Variants in MYCBPAP observed in about 807,000 individuals in gnomAD.
MYCBPAP encodes the protein MYCBP-associated protein.
A neutral mutation model predicts 106.1 loss-of-function variants in MYCBPAP; 60 were observed. The observed-to-expected ratio is 0.57, with a 90% CI of 0.46 to 0.70. MYCBPAP has a LOEUF of 0.70. Among genes scored for constraint, MYCBPAP ranks in the 30% least tolerant of loss-of-function variants. The pLI, the probability that MYCBPAP is intolerant of heterozygous loss-of-function variation, is 0.00. For missense variants in MYCBPAP, 1,064 were observed against 1,169.3 expected, an observed-to-expected ratio of 0.91 and a Z score of 1.31; for synonymous variants, 407 against 440.6, an observed-to-expected ratio of 0.92 and a Z score of 0.95.
intron 5 of MYCBPAP, 71 bp from the exon 6 acceptor site, chr17:50,518,903 C>A: frequency 6.7e-7 from 1 of 1,491,174 alleles, no homozygotes; most frequent in Non-Finnish European, 9.3e-7. Context: ...GGAGGCTGCC[C>A]GATGCAGACT....
At chr17:50,510,525 ATATATATATATG>A in intron 1 of MYCBPAP, 2 of 128,606 alleles carry the variant, frequency 1.6e-5, no homozygotes, top group African/African-American at 6.3e-5. Context: ...ATATATATAT[ATATATATATATG>A]TATTTTGAGA....
intron 2 of MYCBPAP, 131 bp downstream of exon 2, chr17:50,516,828 GATT>G: frequency 1.0e-6 from 1 of 977,972 alleles, no homozygotes. Context: ...ACTGAACACA[GATT>G]CTTTTCACTT....
intron 7 of MYCBPAP, chr17:50,520,144 A>G (rs943849404): frequency 3.3e-5 from 6 of 182,344 alleles, no homozygotes; most frequent in Non-Finnish European, 5.8e-5. Flanking sequence ...TATTTTATTA[A>G]TCATTTTTAT....
chr17:50,521,442 C>T lies in MYCBPAP; in HGVS notation c.1148+11C>T. 6.4e-7 allele frequency: 1 copy of T among 1,555,176 alleles called. No individual in the cohort carries two copies. Among genetic ancestry groups the T allele is most frequent in the South Asian group, 1.2e-5 (1 of 85,836 alleles). On this transcript the variant is annotated intron_variant, in intron 9 of 18. Transcript: ENST00000323776. ...AGACACAGCATACTTGTGAGTGCAGCCTGAACCCTGGGGAGAGAGGCTGAA... is the reference window on the plus strand; with the variant it reads ...AGACACAGCATACTTGTGAGTGCAGTCTGAACCCTGGGGAGAGAGGCTGAA...
chr17:50,510,784 G>C (rs2033818985), intron 1 of MYCBPAP, among the ~76,000 whole-genome samples: 1 of 144,832 alleles, frequency 6.9e-6, no homozygotes, highest in African/African-American at 2.6e-5. Context: ...GCCTCCCAAA[G>C]TGCTGGGATT....
chr17:50,528,164 G>A lies in MYCBPAP; in HGVS notation c.2301G>A (p.Leu767=). Residue 767 remains leucine, a synonymous_variant, in exon 16 of 19, where the codon CTG becomes CTA. Transcript: ENST00000323776. The stretch of plus-strand genomic sequence containing the variant: ...GTGTCTTGCCCTCTAGTTTGCAGCT[G>A]TGGCGAGATGTGATTGACAGCCTGG... ...SNLLHQMCLQ[L]WRDVIDSLVG... The A allele has an allele frequency of 6.2e-7, 1 of 1,614,088 alleles. No homozygotes were observed. Among genetic ancestry groups the A allele is most frequent in the Non-Finnish European group, 8.5e-7 (1 of 1,179,968 alleles).
chr17:50,529,373 C>T (rs2034564608), intron 18 of MYCBPAP, 185 bp downstream of exon 18: 1 of 606,016 alleles, frequency 1.7e-6, no homozygotes, highest in Non-Finnish European at 2.9e-6. Flanking sequence ...GTGATGAGTA[C>T]GACGGGAGAG....
At chr17:50,519,506 A>T in intron 6 of MYCBPAP, 134 bp from the exon 7 acceptor site, 1 of 1,070,892 alleles carries the variant, frequency 9.3e-7, no homozygotes, top group East Asian at 2.5e-5. Context: ...TGCTTCTGTT[A>T]TGCAATCACG....
chr17:50,519,230 G>A, intron 6 of MYCBPAP, 141 bp downstream of exon 6: 1 of 626,520 alleles, frequency 1.6e-6, no homozygotes. Context: ...ACATCATTAG[G>A]CCCTCAAGGC....
rs141727446 is a variant in MYCBPAP, at chr17:50,522,015, C to T, written c.1191C>T (p.Leu397=). 96 of 1,613,924 alleles carry T rather than the reference C, an allele frequency of 5.9e-5. No individual in the cohort carries two copies. In the Middle Eastern group the frequency reaches 1.2e-3, roughly 19 times the overall value. ...ASSSDVSMPI[L]GPSLLFCGKP... ...CCTCTGATGTCTCCATGCCTATTCT[C>T]GGCCCTTCTCTGCTGTTCTGTGGGA... The change falls in exon 10 of 19, where the codon CTC becomes CTT. Residue 397 remains leucine, a synonymous_variant. Coordinates refer to ENST00000323776, the MANE Select transcript of MYCBPAP (RefSeq NM_032133.6).
In MYCBPAP at chr17:50,527,392, C is replaced by T. The variant is rs1431774259; in HGVS notation, c.2275C>T (p.Leu759Phe). ...GAAGCCAAGGCCATTGCAGTCCAAC[C>T]TCCTGCACCAGATGTGGTAGGTGCC... ...CQKPRPLQSNLLHQMCLQLWR... is the reference protein window; with the variant it reads ...CQKPRPLQSNFLHQMCLQLWR... The change falls in exon 15 of 19, where the codon CTC (leucine) becomes TTC (phenylalanine). Residue 759 changes from leucine (L) to phenylalanine (F), a missense_variant. By Grantham distance (22) the Leu-to-Phe change is conservative. Coordinates refer to ENST00000323776, the MANE Select transcript of MYCBPAP (RefSeq NM_032133.6). The T allele has an allele frequency of 2.5e-6, 4 of 1,613,962 alleles. No individual in the cohort carries two copies. The highest frequency in any genetic ancestry group is 3.4e-6 in the Non-Finnish European group (4 of 1,179,994).
Position 50,510,692 on chromosome 17 carries a change from ATTTTT to A in MYCBPAP, c.76+1958_76+1962del, listed in dbSNP as rs56894700. Among the ~76,000 whole-genome samples the A allele has an allele frequency of 2.5e-4, 28 of 111,162 alleles. 1 individual carries two copies. The highest frequency in any genetic ancestry group is 9.1e-4 in the African/African-American group (24 of 26,290). 72.9% of individuals were successfully genotyped at this position (111,162 alleles called of 152,430 possible). On this transcript the variant is annotated intron_variant, in intron 1 of 18. Transcript: ENST00000323776. ...AGGTGCACACCACCATGCCTGGCAA[ATTTTT>A]TTTTTTTTTTTTTTTGTAGAGACAA...
chr17:50,516,200 G>A (rs2034045427), intron 1 of MYCBPAP: 2 of 163,162 alleles, frequency 1.2e-5, no homozygotes, highest in African/African-American at 4.8e-5. Flanking sequence ...ATGTTGGCCA[G>A]GTTGGTCTTG....
intron 18 of MYCBPAP, among the ~76,000 whole-genome samples, chr17:50,530,693 G>A (rs2034608139): frequency 6.6e-6 from 1 of 151,938 alleles, no homozygotes; most frequent in African/African-American, 2.4e-5. Flanking sequence ...GGAGGGGTCA[G>A]TCCCAGAGAC....
rs1198187644 is a variant in MYCBPAP at position 50,528,265 on chromosome 17, A to G, written c.2402A>G (p.Glu801Gly). The G allele has an allele frequency of 6.2e-7, 1 of 1,612,888 alleles. No homozygotes were observed. The highest frequency in any genetic ancestry group is 1.3e-5 in the African/African-American group (1 of 75,008). Residue 801 changes from glutamate (E) to glycine (G), a missense_variant, in exon 16 of 19, where the codon GAG becomes GGG. Physicochemically the swap from Glu to Gly is moderately conservative, Grantham distance 98. Transcript: ENST00000323776. ...KETIYLNVPE[E>G]QDQKSPPIME... The stretch of plus-strand genomic sequence containing the variant: ...ACCATCTATTTGAATGTGCCTGAAG[A>G]GCAAGGTCAGATCTTGTGCAACCAA...
Position 50,517,605 on chromosome 17 carries a change from C to T in MYCBPAP, c.375C>T (p.Asp125=), listed in dbSNP as rs1411022430. ...TKPLDYSGPG[D]SFDGSDQILP... ...CTTTTATCCTCCCAGGTCCCGGTGACAGCTTCGATGGCAGTGACCAGATCC... is the reference window on the plus strand; with the variant it reads ...CTTTTATCCTCCCAGGTCCCGGTGATAGCTTCGATGGCAGTGACCAGATCC... The change falls in exon 4 of 19, where the codon GAC becomes GAT. Residue 125 remains aspartate (D), a synonymous_variant. Transcript: ENST00000323776. 2 of 1,614,086 alleles carry T rather than the reference C, an allele frequency of 1.2e-6. No homozygotes were observed. The highest frequency in any genetic ancestry group is 2.2e-5 in the East Asian group (1 of 44,896).
chr17:50,522,728 G>A (rs576564886), intron 10 of MYCBPAP: 7,173 of 101,824 alleles, frequency 0.07, 713 homozygotes, highest in African/African-American at 0.22. Context: ...ATATATATTT[G>A]TTTTATCTTC....
At chr17:50,529,802 T>C (rs780144066) in intron 18 of MYCBPAP, 52 of 456,550 alleles carry the variant, frequency 1.1e-4, no homozygotes, top group South Asian at 5.6e-4. Flanking sequence ...GAGAACACCA[T>C]GCAGGGTGCA....
chr17:50,524,737 T>TGTGTGCGTGTGTGA, intron 12 of MYCBPAP, 140 bp from the exon 13 acceptor site: 1 of 461,110 alleles, frequency 2.2e-6, no homozygotes, highest in Non-Finnish European at 3.8e-6. Context: ...TGTGTGTGTG[T>TGTGTGCGTGTGTGA]GAGAGAGAGA....
Sources: gnomAD v4.1 joint callset for allele counts (sites outside exome capture counted in the v4.1 genomes callset) on GRCh38, gnomAD v4.1.1 for gene constraint, MANE v1.5 for transcripts, NCBI Gene and HGNC (gene_info 2026-07-23, HGNC 2026-07-21) for gene names.